The following TTC27 variants were observed in gnomAD, a reference collection of about 807,000 sequenced individuals.
The protein encoded by TTC27 is tetratricopeptide repeat protein 27.
A neutral mutation model predicts 115.9 loss-of-function variants in TTC27; 79 were observed. That is an observed-to-expected ratio of 0.68 (90% CI 0.57 to 0.82). TTC27 has a LOEUF of 0.82. Ranked by LOEUF, TTC27 falls within the 40% of genes least tolerant of loss-of-function variation. The probability of loss-of-function intolerance (pLI) is 0.00; values close to 1 mark genes in which losing one functional copy is unlikely to be tolerated. For missense variants in TTC27, 1,054 were observed against 993.1 expected (o/e 1.06, Z -0.82); for synonymous variants, 401 against 356.0 (o/e 1.13, Z -1.42).
intron 16 of TTC27, among the ~76,000 whole-genome samples, chr2:32,797,289 C>T (rs1031541927): frequency 1.3e-5 from 2 of 152,096 alleles, no homozygotes; most frequent in Non-Finnish European, 2.9e-5. Flanking sequence ...AAGCAGCCCT[C>T]CTGCCTCAGC....
At chr2:32,655,357 G>A (rs1665279826) in intron 5 of TTC27, among the ~76,000 whole-genome samples, 2 of 151,872 alleles carry the variant, frequency 1.3e-5, no homozygotes, top group African/African-American at 2.4e-5. Context: ...ATATTGCTTA[G>A]GCTGGTCTTG....
rs1669130982 is a variant in TTC27 at position 32,754,386 on chromosome 2, C to T, written c.1453-3906C>T. Among the ~76,000 whole-genome samples, 11 of 149,210 alleles carry T rather than the reference C, an allele frequency of 7.4e-5. No individual in the cohort carries two copies. In the South Asian group the frequency reaches 2.4e-3, roughly 33 times the overall value. On this transcript the variant is annotated intron_variant, in intron 12 of 19. Coordinates refer to ENST00000317907, the MANE Select transcript of TTC27 (RefSeq NM_017735.5). ...GCCTTCAAGCTTCTGTTTAACAAAG[C>T]ACATCTTGCACCGCCCTTAATCCAT...
intron 9 of TTC27, among the ~76,000 whole-genome samples, chr2:32,692,223 C>T (rs1274430813): frequency 6.6e-6 from 1 of 151,488 alleles, no homozygotes; most frequent in African/African-American, 2.4e-5. Flanking sequence ...TCTGAGGGCT[C>T]TTTTTCAAAC....
At chr2:32,640,623 T>C (rs1430181220) in intron 4 of TTC27, among the ~76,000 whole-genome samples, 2 of 152,200 alleles carry the variant, frequency 1.3e-5, no homozygotes, top group East Asian at 3.8e-4. Context: ...ACCTCCTTAA[T>C]AGGATTTATG....
intron 18 of TTC27, among the ~76,000 whole-genome samples, chr2:32,815,373 G>A (rs1277268360): frequency 6.6e-6 from 1 of 151,336 alleles, no homozygotes; most frequent in Non-Finnish European, 1.5e-5. Context: ...AGCCAGCTGG[G>A]ACTACAGGCG....
intron 1 of TTC27, 129 bp from the exon 2 acceptor site, chr2:32,630,394 T>C (rs1664135162): frequency 3.1e-6 from 2 of 643,492 alleles, no homozygotes; most frequent in Non-Finnish European, 5.1e-6. Context: ...GTGACTGACA[T>C]ACAGTAATCA....
At chr2:32,723,572 G>A (rs1667994909) in intron 10 of TTC27, among the ~76,000 whole-genome samples, 1 of 152,002 alleles carries the variant, frequency 6.6e-6, no homozygotes, top group African/African-American at 2.4e-5. Flanking sequence ...AACCTTTAAG[G>A]TGTTATTGAG....
At chr2:32,709,749 C>T (rs2151904876) in intron 10 of TTC27, among the ~76,000 whole-genome samples, 1 of 152,218 alleles carries the variant, frequency 6.6e-6, no homozygotes, top group Non-Finnish European at 1.5e-5. Flanking sequence ...AGCTGATAGT[C>T]CGAGGCAGTC....
chr2:32,698,804 AAAT>A (rs952949763), intron 9 of TTC27, among the ~76,000 whole-genome samples: 16 of 152,302 alleles, frequency 1.1e-4, no homozygotes, highest in African/African-American at 3.6e-4. Flanking sequence ...CTTAAAGAAA[AAAT>A]ATTTTAAGTA....
chr2:32,667,918 G>T (rs1201755865), intron 7 of TTC27, among the ~76,000 whole-genome samples: 2 of 151,632 alleles, frequency 1.3e-5, no homozygotes, highest in Non-Finnish European at 2.9e-5. Flanking sequence ...GCCAGGTGCA[G>T]TGGCTCACGC....
At chr2:32,729,987 GGGC>G (rs1668238995) in intron 10 of TTC27, among the ~76,000 whole-genome samples, 1 of 152,164 alleles carries the variant, frequency 6.6e-6, no homozygotes, top group Non-Finnish European at 1.5e-5. Context: ...CTAAATTTCT[GGGC>G]GTGTGTGAAA....
chr2:32,811,483 A>AC (rs1333185699), intron 17 of TTC27, among the ~76,000 whole-genome samples: 1 of 152,106 alleles, frequency 6.6e-6, no homozygotes, highest in Non-Finnish European at 1.5e-5. Flanking sequence ...TGAAATGGCC[A>AC]CCCCTACTAA....
intron 12 of TTC27, among the ~76,000 whole-genome samples, chr2:32,747,539 T>A (rs2151922374): frequency 6.6e-6 from 1 of 152,342 alleles, no homozygotes; most frequent in East Asian, 1.9e-4. Flanking sequence ...GTACAGTTTC[T>A]ACCAAATGTG....
At chr2:32,698,245 T>C (rs1481566154) in intron 9 of TTC27, among the ~76,000 whole-genome samples, 2 of 152,008 alleles carry the variant, frequency 1.3e-5, no homozygotes, top group African/African-American at 2.4e-5. Context: ...TCCTTCCACT[T>C]CAGCCTCCTG....
chr2:32,800,779 C>A (rs371828495), intron 16 of TTC27, among the ~76,000 whole-genome samples: 1 of 152,158 alleles, frequency 6.6e-6, no homozygotes, highest in Non-Finnish European at 1.5e-5. Context: ...GGATTACAGA[C>A]GTGAGCCACC....
intron 2 of TTC27, among the ~76,000 whole-genome samples, chr2:32,631,280 G>C (rs910387164): frequency 6.6e-6 from 1 of 152,022 alleles, no homozygotes; most frequent in African/African-American, 2.4e-5. Flanking sequence ...TCTAGCCTGG[G>C]CGACAGAGCG....
At chr2:32,790,076 T>G (rs1215471248) in intron 16 of TTC27, among the ~76,000 whole-genome samples, 2 of 152,020 alleles carry the variant, frequency 1.3e-5, no homozygotes, top group Admixed American at 1.3e-4. Context: ...TAGTATGAAT[T>G]CAGATAACGT....
At chr2:32,739,297 T>C (rs1668548733) in intron 12 of TTC27, among the ~76,000 whole-genome samples, 1 of 152,178 alleles carries the variant, frequency 6.6e-6, no homozygotes. Flanking sequence ...AATAATAATA[T>C]TTGAAATAAG....
intron 12 of TTC27, among the ~76,000 whole-genome samples, chr2:32,740,170 G>A (rs1470078853): frequency 2.6e-5 from 4 of 152,188 alleles, no homozygotes; most frequent in Admixed American, 2.0e-4. Flanking sequence ...GCTGATAGAT[G>A]TATTCTTATT....
Sources: allele counts gnomAD v4.1 joint callset (sites outside exome capture counted in the v4.1 genomes callset), GRCh38; gene constraint gnomAD v4.1.1; transcripts MANE v1.5; gene names NCBI Gene and HGNC (gene_info 2026-07-23, HGNC 2026-07-21).